Variants in RTTN observed in about 807,000 individuals in gnomAD.
RTTN encodes the protein rotatin.
Under a neutral mutation model 269.2 loss-of-function variants are expected in RTTN, and 182 were observed. The ratio of observed to expected loss-of-function variants is 0.68; its 90% CI spans 0.60 to 0.76. RTTN has a LOEUF of 0.76. RTTN is among the 30% of genes least tolerant of loss of function. The probability of loss-of-function intolerance (pLI) is 0.00; values close to 1 mark genes in which losing one functional copy is unlikely to be tolerated. For synonymous variants in RTTN, 1,006 were observed against 963.5 expected (o/e 1.04, Z -0.82); for missense variants, 2,545 against 2,608.6 (o/e 0.98, Z 0.53).
intron 47 of RTTN, 115 bp downstream of exon 47, chr18:70,006,266 T>C: frequency 1.5e-6 from 1 of 679,432 alleles, no homozygotes; most frequent in Admixed American, 2.6e-5. Flanking sequence ...TCTTTGATTT[T>C]GTCTTTTTTC....
chr18:70,151,623 C>G (rs369349529), intron 14 of RTTN, among the ~76,000 whole-genome samples: 1 of 152,252 alleles, frequency 6.6e-6, no homozygotes, highest in South Asian at 2.1e-4. Flanking sequence ...ATGCCACAGA[C>G]AGCAACTTCG....
intron 10 of RTTN, among the ~76,000 whole-genome samples, chr18:70,186,530 G>T (rs12962092): frequency 1.3e-5 from 2 of 152,132 alleles, no homozygotes; most frequent in African/African-American, 4.8e-5. Flanking sequence ...AAGGCAGGCA[G>T]ATCACTTGAG....
At chr18:70,155,718 T>C (rs2060655817) in intron 14 of RTTN, among the ~76,000 whole-genome samples, 1 of 152,212 alleles carries the variant, frequency 6.6e-6, no homozygotes, top group Non-Finnish European at 1.5e-5. Flanking sequence ...TAGGTGCCTG[T>C]TGCGGGAAGT....
intron 28 of RTTN, among the ~76,000 whole-genome samples, chr18:70,095,063 GTTTT>G (rs138632105): frequency 4.2e-5 from 6 of 144,516 alleles, no homozygotes; most frequent in African/African-American, 1.5e-4. Context: ...GTAATGCCTT[GTTTT>G]TTTTTTTATC....
Position 70,142,395 on chromosome 18 carries a change from CCA to C in RTTN, c.2482-10_2482-9del. ...CTTTTCAACAGTCTCCAACTACAAA[CCA>C]AAAAAAAAAAAAAACCAAAATTACA... is the stretch of plus-strand genomic sequence containing the variant. On this transcript the variant is annotated splice_polypyrimidine_tract_variant and intron_variant, in intron 18 of 48. Transcript: ENST00000640769. 1.5e-6 allele frequency: 2 copies of C among 1,360,028 alleles called. No homozygotes were observed. Among genetic ancestry groups the C allele is most frequent in the Non-Finnish European group, 2.0e-6 (2 of 986,526 alleles). 84.2% of individuals were successfully genotyped at this position (1,360,028 alleles called of 1,614,324 possible).
intron 44 of RTTN, among the ~76,000 whole-genome samples, chr18:70,023,383 T>C (rs948630868): frequency 6.6e-6 from 1 of 152,206 alleles, no homozygotes; most frequent in Admixed American, 6.5e-5. Context: ...TTCAAACTTA[T>C]CTCTACACTC....
Position 70,114,530 on chromosome 18 carries a change from G to A in RTTN, c.3598C>T (p.Arg1200Trp), listed in dbSNP as rs767530537. 1.8e-5 allele frequency: 29 copies of A among 1,613,508 alleles called. No homozygotes were observed. Among genetic ancestry groups the A allele is most frequent in the South Asian group, 3.3e-5 (3 of 91,050 alleles). Residue 1200 changes from arginine to tryptophan, a missense_variant, in exon 27 of 49, where the codon CGG (arginine) becomes TGG (tryptophan). By Grantham distance (101) the Arg-to-Trp change is moderately radical. Transcript: ENST00000640769. ...TGAAGTTGTTGCCTGACAGCAGTCC[G>A]GATATCATCTGTTTCTTCTCGTGCC... ...SQAREETDDI[R>W]TAVRQQLQKE...
At chr18:70,122,257 T>TA (rs113448534) in intron 25 of RTTN, among the ~76,000 whole-genome samples, 139 of 145,980 alleles carry the variant, frequency 9.5e-4, no homozygotes, top group Middle Eastern at 3.5e-3. Context: ...AAGATTTCTT[T>TA]AAAAAAAAAA....
intron 7 of RTTN, 140 bp downstream of exon 7, chr18:70,196,361 T>A (rs1600062015): frequency 1.6e-6 from 1 of 606,478 alleles, no homozygotes; most frequent in Non-Finnish European, 2.7e-6. Context: ...GTAAAGATAA[T>A]CATTTGAATA....
chr18:70,062,162 T>C (rs1487560404), intron 35 of RTTN, among the ~76,000 whole-genome samples: 4 of 152,248 alleles, frequency 2.6e-5, no homozygotes, highest in African/African-American at 9.6e-5. Context: ...GGTTACTTCC[T>C]CTCTCACTTC....
chr18:70,197,639 C>T lies in RTTN; in HGVS notation c.678G>A (p.Arg226=), dbSNP rs774209050. 2.1e-5 allele frequency: 34 copies of T among 1,610,684 alleles called. No homozygotes were observed. The highest frequency in any genetic ancestry group is 2.8e-5 in the Non-Finnish European group (33 of 1,176,938). Residue 226 remains arginine, a synonymous_variant, in exon 6 of 49, where the codon AGG becomes AGA. Transcript: ENST00000640769. ...QDFPAEIFLQ[R]PKIVQSLLSL... ...GGGCACTGACCTGAACAATTTTTGG[C>T]CTTTGAAGGAAAATCTCAGCAGGAA...
intron 7 of RTTN, 105 bp from the exon 8 acceptor site, chr18:70,193,558 G>T: frequency 1.0e-5 from 9 of 869,842 alleles, no homozygotes; most frequent in Non-Finnish European, 1.5e-5. Context: ...AATTAAGATA[G>T]TAGGAATCCT....
chr18:70,056,967 G>A (rs540106091), intron 37 of RTTN, among the ~76,000 whole-genome samples: 2 of 152,340 alleles, frequency 1.3e-5, no homozygotes, highest in South Asian at 4.1e-4. Context: ...TTTGCTGGAT[G>A]GAGAGCAGAA....
intron 17 of RTTN, among the ~76,000 whole-genome samples, chr18:70,146,611 CTTCT>C (rs1375316497): frequency 6.6e-6 from 1 of 152,184 alleles, no homozygotes; most frequent in Non-Finnish European, 1.5e-5. Flanking sequence ...AGCAGGTTGC[CTTCT>C]GTATGCAGGC....
At chr18:70,065,170 T>C (rs1368262499) in intron 35 of RTTN, among the ~76,000 whole-genome samples, 1 of 151,804 alleles carries the variant, frequency 6.6e-6, no homozygotes, top group Non-Finnish European at 1.5e-5. Context: ...TATACTTATA[T>C]GTATGCCAGT....
intron 26 of RTTN, among the ~76,000 whole-genome samples, chr18:70,116,048 A>T (rs1338387375): frequency 2.0e-5 from 3 of 152,050 alleles, no homozygotes; most frequent in Admixed American, 2.0e-4. Flanking sequence ...TGAATAAGAC[A>T]TAACTGCAAC....
At chr18:70,057,578 T>A (rs185596162) in intron 37 of RTTN, among the ~76,000 whole-genome samples, 164 bp downstream of exon 37, 1 of 152,254 alleles carries the variant, frequency 6.6e-6, no homozygotes, top group Non-Finnish European at 1.5e-5. Context: ...CATCCAGACA[T>A]GTCCCATATT....
At chr18:70,073,805 C>T (rs779918461) in intron 34 of RTTN, 101 bp downstream of exon 34, 7 of 766,816 alleles carry the variant, frequency 9.1e-6, no homozygotes, top group Non-Finnish European at 1.5e-5. Flanking sequence ...TAAATCATAG[C>T]TGTTATAACC....
At chr18:70,201,080 T>G (rs1417461619) in intron 4 of RTTN, among the ~76,000 whole-genome samples, 1 of 152,222 alleles carries the variant, frequency 6.6e-6, no homozygotes, top group Non-Finnish European at 1.5e-5. Context: ...TGAGGTGGCA[T>G]GTGAGCTGAG....
Sources: allele counts gnomAD v4.1 joint callset (sites outside exome capture counted in the v4.1 genomes callset), GRCh38; gene constraint gnomAD v4.1.1; transcripts MANE v1.5; gene names NCBI Gene and HGNC (gene_info 2026-07-23, HGNC 2026-07-21).